Variants in ITGA9 observed in about 807,000 individuals in gnomAD.
ITGA9 encodes integrin subunit alpha 9.
ITGA9 carries 56 observed loss-of-function variants against 127.8 expected under a neutral mutation model. The ratio of observed to expected loss-of-function variants is 0.44; its 90% CI spans 0.35 to 0.55. The LOEUF (loss-of-function observed/expected upper bound fraction) is 0.55. ITGA9 is among the 20% of genes least tolerant of loss of function. The pLI is 0.00. For synonymous variants in ITGA9, 508 were observed against 514.5 expected (o/e 0.99, Z 0.17); for missense variants, 1,196 against 1,347.1 (o/e 0.89, Z 1.76).
Position 37,533,329 on chromosome 3 carries a change from T to G in ITGA9, c.1389T>G (p.Ile463Met). 6.2e-7 allele frequency: 1 copy of G among 1,614,196 alleles called. No homozygotes were observed. Among genetic ancestry groups the G allele is most frequent in the South Asian group, 1.1e-5 (1 of 91,082 alleles). The change falls in exon 14 of 28, where the codon ATT (isoleucine) becomes ATG (methionine). Residue 463 changes from isoleucine to methionine, a missense_variant. Ile to Met is a conservative substitution (Grantham distance 10). Coordinates refer to ENST00000264741, the MANE Select transcript of ITGA9 (RefSeq NM_002207.3). Reference protein sequence around the residue: ...SVVLLRARPVITVDVSIFLPG... With the variant: ...SVVLLRARPVMTVDVSIFLPG... ...TGCCCTGCAGAGCAAGGCCTGTCAT[T>G]ACGGTGGATGTCTCCATCTTCCTCC...
chr3:37,458,601 G>A (rs1252501173), intron 1 of ITGA9, among the ~76,000 whole-genome samples: 1 of 152,262 alleles, frequency 6.6e-6, no homozygotes, highest in African/African-American at 2.4e-5. Flanking sequence ...CCGCCTTGCA[G>A]CTGAACAGCA....
intron 23 of ITGA9, among the ~76,000 whole-genome samples, chr3:37,770,755 A>T (rs1696832798): frequency 6.6e-6 from 1 of 152,182 alleles, no homozygotes; most frequent in Non-Finnish European, 1.5e-5. Context: ...ATCCTCTCAC[A>T]GGCCTGGCAC....
At chr3:37,793,158 G>T (rs373673017) in intron 26 of ITGA9, among the ~76,000 whole-genome samples, 1 of 151,784 alleles carries the variant, frequency 6.6e-6, no homozygotes, top group Admixed American at 6.6e-5. Context: ...TTTCTAAATT[G>T]AAATATGCTT....
chr3:37,767,942 A>G (rs906082360), intron 23 of ITGA9, among the ~76,000 whole-genome samples: 3 of 152,208 alleles, frequency 2.0e-5, no homozygotes, highest in Non-Finnish European at 4.4e-5. Context: ...ATCTAAGATC[A>G]TTATTGCTGT....
rs148135148 is a variant in ITGA9, at chr3:37,503,246, G to A, written c.681G>A (p.Thr227=). The A allele has an allele frequency of 4.7e-4, 756 of 1,614,032 alleles. 4 individuals carry two copies. In the African/African-American group the frequency reaches 8.8e-3, roughly 19 times the overall value. Residue 227 remains threonine, a synonymous_variant, in exon 6 of 28, where the codon ACG becomes ACA. Coordinates refer to ENST00000264741, the MANE Select transcript of ITGA9 (RefSeq NM_002207.3). The part of the protein sequence containing the change: ...WAGTIKVLNL[T]DNTYLKLNDE... The stretch of plus-strand genomic sequence containing the variant: ...GAACCATCAAAGTGCTGAACCTTAC[G>A]GACAACACCTATTTAAAACTGAACG...
chr3:37,452,457 G>A lies in ITGA9; in HGVS notation c.83G>A (p.Gly28Asp), dbSNP rs369556966. The change falls in exon 1 of 28, where the codon GGC (glycine) becomes GAC (aspartate). Residue 28 changes from glycine (G) to aspartate (D), a missense_variant. Coordinates refer to ENST00000264741, the MANE Select transcript of ITGA9 (RefSeq NM_002207.3). The surrounding 1 kb of genome is among the most constrained non-coding windows in gnomAD (Gnocchi z 7.3). ...CTGGTGGTCGCGGGGATCCCCGCGG[G>A]CGCCTACAACCTCGACCCGCAGCGC... ...LALVVAGIPA[G>D]AYNLDPQRPV... 2.0e-6 allele frequency: 3 copies of A among 1,488,998 alleles called. No individual in the cohort carries two copies. Among genetic ancestry groups the A allele is most frequent in the Non-Finnish European group, 8.9e-7 (1 of 1,118,532 alleles). The allele number at this position is 1,488,998 out of a possible 1,614,324, so 92.2% of individuals were successfully genotyped here. A position where few individuals can be genotyped will look rare whatever the true frequency, so the allele number is the denominator to read the frequency against.
chr3:37,454,193 G>A (rs1698233148), intron 1 of ITGA9, among the ~76,000 whole-genome samples: 1 of 152,220 alleles, frequency 6.6e-6, no homozygotes, highest in Non-Finnish European at 1.5e-5. Flanking sequence ...GCAGGCTGAG[G>A]CTGGCTCAAC....
At chr3:37,569,376 G>A (rs531670807) in intron 15 of ITGA9, among the ~76,000 whole-genome samples, 1 of 152,316 alleles carries the variant, frequency 6.6e-6, no homozygotes, top group South Asian at 2.1e-4. Flanking sequence ...ATGAGATTTG[G>A]ATGGGGACAC....
intron 27 of ITGA9, among the ~76,000 whole-genome samples, chr3:37,811,210 C>T (rs1697364734): frequency 6.6e-6 from 1 of 152,184 alleles, no homozygotes; most frequent in Non-Finnish European, 1.5e-5. Context: ...AACCACCATG[C>T]AGGAAGAAAA....
chr3:37,685,663 T>G (rs1421352625), intron 18 of ITGA9, among the ~76,000 whole-genome samples: 1 of 152,186 alleles, frequency 6.6e-6, no homozygotes, highest in Non-Finnish European at 1.5e-5. Context: ...CTCATTACAT[T>G]ACACAGATTT....
At chr3:37,811,350 T>G (rs926533409) in intron 27 of ITGA9, among the ~76,000 whole-genome samples, 9 of 152,190 alleles carry the variant, frequency 5.9e-5, no homozygotes, top group African/African-American at 1.2e-4. Flanking sequence ...AAGGCCTGTT[T>G]AGGAGGAGAA....
intron 4 of ITGA9, among the ~76,000 whole-genome samples, chr3:37,484,765 G>A (rs890000310): frequency 1.3e-5 from 2 of 152,130 alleles, no homozygotes; most frequent in Non-Finnish European, 2.9e-5. Context: ...CTTATTAACA[G>A]TGTAATCTCA....
rs762319075 is a variant in ITGA9, at chr3:37,777,517, G to A, written c.2667G>A (p.Leu889=). ...AFFTKSGRKV[L]DCEKPGISCL... Reference sequence around the variant, plus strand: ...TCACAAAGTCTGGAAGAAAAGTCTTGGTAAGGATTTGTTTAGTGGTTGGGG... The same window carrying A: ...TCACAAAGTCTGGAAGAAAAGTCTTAGTAAGGATTTGTTTAGTGGTTGGGG... The change falls in exon 24 of 28, where the codon TTG becomes TTA. Residue 889 remains leucine, a splice_region_variant and synonymous_variant. Coordinates refer to ENST00000264741, the MANE Select transcript of ITGA9 (RefSeq NM_002207.3). The A allele has an allele frequency of 1.9e-6, 3 of 1,614,092 alleles. No individual in the cohort carries two copies. Among genetic ancestry groups the A allele is most frequent in the Non-Finnish European group, 1.7e-6 (2 of 1,179,996 alleles).
intron 18 of ITGA9, among the ~76,000 whole-genome samples, chr3:37,723,126 A>G (rs950372535): frequency 3.3e-5 from 5 of 152,080 alleles, no homozygotes; most frequent in African/African-American, 4.8e-5. Flanking sequence ...TTTTGGAAAA[A>G]CTATTCAGAT....
At chr3:37,496,660 T>G (rs1698733650) in intron 5 of ITGA9, among the ~76,000 whole-genome samples, 1 of 152,220 alleles carries the variant, frequency 6.6e-6, no homozygotes, top group East Asian at 1.9e-4. Context: ...GCTCAGGACT[T>G]TCTGGTGTCT....
chr3:37,473,706 C>T (rs554153775), intron 3 of ITGA9, among the ~76,000 whole-genome samples: 2 of 151,402 alleles, frequency 1.3e-5, no homozygotes, highest in South Asian at 2.1e-4. Flanking sequence ...TTGTACATCT[C>T]ATTCATTACA....
intron 18 of ITGA9, among the ~76,000 whole-genome samples, chr3:37,719,064 A>T (rs1040696165): frequency 6.6e-6 from 1 of 152,210 alleles, no homozygotes; most frequent in Non-Finnish European, 1.5e-5. Flanking sequence ...TAGCAAAAAC[A>T]AAGTGTCATA....
chr3:37,780,061 G>T, intron 25 of ITGA9, 40 bp downstream of exon 25: 1 of 1,611,340 alleles, frequency 6.2e-7, no homozygotes, highest in Admixed American at 1.7e-5. Context: ...GCATTTAGAA[G>T]CATTTGAATT....
intron 18 of ITGA9, among the ~76,000 whole-genome samples, chr3:37,710,407 C>CA (rs1701066402): frequency 1.7e-5 from 2 of 119,266 alleles, no homozygotes; most frequent in African/African-American, 5.7e-5. Context: ...ATATCCCCCC[C>CA]CCACACACAT....
Sources: gnomAD v4.1 joint callset for allele counts (sites outside exome capture counted in the v4.1 genomes callset) on GRCh38, gnomAD v4.1.1 for gene constraint, Gnocchi (gnomAD v3.1) non-coding constraint, MANE v1.5 for transcripts, NCBI Gene and HGNC (gene_info 2026-07-23, HGNC 2026-07-21) for gene names.